Variants in TAFA2 observed in about 807,000 individuals in gnomAD.
TAFA2 encodes TAFA chemokine like family member 2.
A neutral mutation model predicts 18.8 loss-of-function variants in TAFA2; 7 were observed. That is an observed-to-expected ratio of 0.37 (90% CI 0.21 to 0.70). The LOEUF (loss-of-function observed/expected upper bound fraction) is 0.70. Among genes scored for constraint, TAFA2 ranks in the 30% least tolerant of loss-of-function variants. The probability of loss-of-function intolerance (pLI) is 0.53; values close to 1 mark genes in which losing one functional copy is unlikely to be tolerated. For missense variants in TAFA2, 122 were observed against 158.1 expected (o/e 0.77, Z 1.23); for synonymous variants, 60 against 54.2 (o/e 1.11, Z -0.47).
Position 62,151,893 on chromosome 12 carries a change from T to C in TAFA2, c.-2+39366A>G, listed in dbSNP as rs183320295. Among the ~76,000 whole-genome samples the C allele has an allele frequency of 2.2e-4, 34 of 152,364 alleles. 1 individual carries two copies. The East Asian group carries it at 5.0e-3, about 22-fold the overall frequency. ...AGTTATGTTTCATTTAGCTATCAGA[T>C]ACAGTTACCTAGTGAACTAGTGAAA... On this transcript the variant is annotated intron_variant, in intron 1 of 4. Coordinates refer to ENST00000416284, the MANE Select transcript of TAFA2 (RefSeq NM_178539.5).
rs1565632703 is a variant in TAFA2, at chr12:61,784,876, T to C, written c.107-29852A>G. On this transcript the variant is annotated intron_variant, in intron 2 of 4. Coordinates refer to ENST00000416284, the MANE Select transcript of TAFA2 (RefSeq NM_178539.5). ...TATATATTTATGGAACACATAGTGA[T>C]GTTTCCATACATACAATGTACTGTG... Among the ~76,000 whole-genome samples the C allele has an allele frequency of 2.6e-5, 4 of 151,744 alleles. No homozygotes were observed. In the East Asian group the frequency reaches 7.8e-4, roughly 30 times the overall value.
At chr12:62,181,119 G>A (rs1191655676) in intron 1 of TAFA2, among the ~76,000 whole-genome samples, 6 of 152,052 alleles carry the variant, frequency 3.9e-5, no homozygotes, top group Non-Finnish European at 8.8e-5. Context: ...TGTTAATTCG[G>A]GTGTAGGTCA....
chr12:61,770,777 T>G (rs535779617), intron 2 of TAFA2, among the ~76,000 whole-genome samples: 1 of 151,914 alleles, frequency 6.6e-6, no homozygotes, highest in Admixed American at 6.6e-5. Context: ...TACACCAAAA[T>G]AGAATCTCCT....
intron 2 of TAFA2, among the ~76,000 whole-genome samples, chr12:61,804,249 T>C (rs1277022733): frequency 6.6e-6 from 1 of 152,062 alleles, no homozygotes; most frequent in Non-Finnish European, 1.5e-5. Context: ...TAACAAGCAA[T>C]TGACATTAGT....
At chr12:62,039,680 A>C (rs950985908) in intron 1 of TAFA2, among the ~76,000 whole-genome samples, 4 of 152,214 alleles carry the variant, frequency 2.6e-5, no homozygotes, top group Non-Finnish European at 5.9e-5. Context: ...GGTAAAGAAG[A>C]GAGATGGCTC....
chr12:62,227,099 C>T (rs1201326326), intron 1 of TAFA2, among the ~76,000 whole-genome samples: 1 of 152,208 alleles, frequency 6.6e-6, no homozygotes, highest in Non-Finnish European at 1.5e-5. Flanking sequence ...AATCCATTCC[C>T]CTTTCCTTAT....
intron 1 of TAFA2, among the ~76,000 whole-genome samples, chr12:62,052,514 G>T (rs1161060414): frequency 6.6e-6 from 1 of 151,958 alleles, no homozygotes; most frequent in Non-Finnish European, 1.5e-5. Flanking sequence ...TTCTCTTTGT[G>T]CTCTAAGCAA....
intron 1 of TAFA2, among the ~76,000 whole-genome samples, chr12:62,206,008 A>T (rs1355521245): frequency 6.6e-6 from 1 of 151,500 alleles, no homozygotes. Flanking sequence ...ATGGGCTGTT[A>T]CTCCACCCTG....
chr12:61,872,079 A>C (rs1874633224), intron 1 of TAFA2, among the ~76,000 whole-genome samples: 1 of 150,716 alleles, frequency 6.6e-6, no homozygotes, highest in Non-Finnish European at 1.5e-5. Flanking sequence ...TGTTAAAAGC[A>C]AGAAATAAAA....
intron 1 of TAFA2, among the ~76,000 whole-genome samples, chr12:62,224,666 CAA>C (rs141890867): frequency 0.02 from 3,047 of 151,872 alleles, 44 homozygotes; most frequent in African/African-American, 0.042. Flanking sequence ...TTCATAGACA[CAA>C]AAAATAAAAT....
In TAFA2 at chr12:61,950,506, G is replaced by A. The variant is rs149866452; in HGVS notation, c.-1-83080C>T. Among the ~76,000 whole-genome samples the A allele has an allele frequency of 2.1e-3, 324 of 152,030 alleles. 3 individuals are homozygous for A. Among genetic ancestry groups the A allele is most frequent in the African/African-American group, 7.4e-3 (305 of 41,488 alleles). The stretch of plus-strand genomic sequence containing the variant: ...TAGTTTTGATTTTCATTCCTATGAC[G>A]ATTAGTGATGTTAAGCATTTTTTTC... On this transcript the variant is annotated intron_variant, in intron 1 of 4. Coordinates refer to ENST00000416284, the MANE Select transcript of TAFA2 (RefSeq NM_178539.5).
chr12:61,732,182 G>A (rs551067664), intron 4 of TAFA2, among the ~76,000 whole-genome samples: 52 of 152,112 alleles, frequency 3.4e-4, no homozygotes, highest in Admixed American at 7.2e-4. Flanking sequence ...AGTCAAGTGG[G>A]TAGCTGGGAA....
At chr12:61,924,556 ACCAGGCCTG>A in intron 1 of TAFA2, among the ~76,000 whole-genome samples, 1 of 152,332 alleles carries the variant, frequency 6.6e-6, no homozygotes, top group Admixed American at 6.5e-5. Context: ...TTTTGTCACC[ACCAGGCCTG>A]CCTCACAAGA....
intron 1 of TAFA2, among the ~76,000 whole-genome samples, chr12:62,244,246 T>C (rs958099095): frequency 2.6e-5 from 4 of 150,956 alleles, no homozygotes; most frequent in African/African-American, 9.7e-5. Context: ...TCTTTTTTTT[T>C]TTTTTTGCAT....
At chr12:62,113,299 G>A (rs1240675750) in intron 1 of TAFA2, among the ~76,000 whole-genome samples, 1 of 152,166 alleles carries the variant, frequency 6.6e-6, no homozygotes, top group Non-Finnish European at 1.5e-5. Context: ...GTTTCCCTGG[G>A]TATCACCAGC....
intron 2 of TAFA2, among the ~76,000 whole-genome samples, chr12:61,822,181 A>T (rs936108029): frequency 6.6e-6 from 1 of 152,076 alleles, no homozygotes; most frequent in Non-Finnish European, 1.5e-5. Flanking sequence ...ACTATAGGTT[A>T]AAAAATACTC....
Position 61,807,928 on chromosome 12 carries a change from A to T in TAFA2, c.107-52904T>A, listed in dbSNP as rs747912122. 9.2e-5 allele frequency among the ~76,000 whole-genome samples: 14 copies of T among 151,546 alleles called. 1 individual carries two copies. Among genetic ancestry groups the T allele is most frequent in the Non-Finnish European group, 1.5e-4 (10 of 68,048 alleles). On this transcript the variant is annotated intron_variant, in intron 2 of 4. Transcript: ENST00000416284. ...CTTGCTTTTGATTTTACAGGCTCATAGGCAGAAGGGACTTGCCTTGTCTCA... is the reference window on the plus strand; with the variant it reads ...CTTGCTTTTGATTTTACAGGCTCATTGGCAGAAGGGACTTGCCTTGTCTCA...
chr12:61,753,672 C>T lies in TAFA2; in HGVS notation c.334G>A (p.Asp112Asn). The T allele has an allele frequency of 6.2e-7, 1 of 1,612,656 alleles. No individual in the cohort carries two copies. The highest frequency in any genetic ancestry group is 8.5e-7 in the Non-Finnish European group (1 of 1,179,110). Reference protein sequence around the residue: ...LEGEECKVLPDRKGWSCSSGN... With the variant: ...LEGEECKVLPNRKGWSCSSGN... ...GAGGAACAGCTCCATCCTTTCCGAT[C>T]CGGAAGAACTTTACATTCTTCTCCC... The change falls in exon 4 of 5, where the codon GAT (aspartate) becomes AAT (asparagine). Residue 112 changes from aspartate (D) to asparagine (N), a missense_variant. Coordinates refer to ENST00000416284, the MANE Select transcript of TAFA2 (RefSeq NM_178539.5).
At chr12:61,776,344 G>C (rs1870261266) in intron 2 of TAFA2, 2 of 169,358 alleles carry the variant, frequency 1.2e-5, no homozygotes. Context: ...AACACACTTT[G>C]TGAGAACCAA....
Sources: gnomAD v4.1 joint callset for allele counts (sites outside exome capture counted in the v4.1 genomes callset) on GRCh38, gnomAD v4.1.1 for gene constraint, MANE v1.5 for transcripts, NCBI Gene and HGNC (gene_info 2026-07-23, HGNC 2026-07-21) for gene names.